RABL3: variants seen among roughly 807,000 people sequenced by gnomAD.
The protein encoded by RABL3 is rab-like protein 3.
RABL3 carries 31 observed loss-of-function variants against 31.8 expected under a neutral mutation model. That is an observed-to-expected ratio of 0.97 (90% CI 0.73 to 1.31). The LOEUF (loss-of-function observed/expected upper bound fraction) is 1.31. Ranked by LOEUF, RABL3 falls within the 40% of genes most tolerant of loss-of-function variation. RABL3 has a pLI of 0.00. For missense variants in RABL3, 263 were observed against 279.6 expected, an observed-to-expected ratio of 0.94 and a Z score of 0.42; for synonymous variants, 97 against 99.9, an observed-to-expected ratio of 0.97 and a Z score of 0.18.
intron 1 of RABL3, 26 bp downstream of exon 1, chr3:120,742,436 C>A: frequency 6.2e-7 from 1 of 1,611,368 alleles, no homozygotes; most frequent in Admixed American, 1.7e-5. Context: ...GTGTCTGGAG[C>A]CCCAGAGGTA....
chr3:120,716,964 A>G (rs1015543899), intron 2 of RABL3, among the ~76,000 whole-genome samples: 43 of 152,320 alleles, frequency 2.8e-4, no homozygotes, highest in African/African-American at 1.0e-3. Flanking sequence ...TCAAAAATGG[A>G]AGACATGGCC....
chr3:120,734,688 A>G (rs956913030), intron 1 of RABL3, among the ~76,000 whole-genome samples: 1 of 152,080 alleles, frequency 6.6e-6, no homozygotes. Flanking sequence ...GTTTGCCATA[A>G]ATAGCTCTTA....
rs199930414 is a variant in RABL3 at position 120,698,588 on chromosome 3, A to C, written c.384-15T>G. 1.3e-6 allele frequency: 2 copies of C among 1,596,940 alleles called. No individual in the cohort carries two copies. Among genetic ancestry groups the C allele is most frequent in the African/African-American group, 2.7e-5 (2 of 74,486 alleles). ...GATCATAATCCCTGTGATAAATAAT[A>C]ATGAAGAGGTGAATAGAATGTATCT... is the stretch of plus-strand genomic sequence containing the variant. On this transcript the variant is annotated splice_polypyrimidine_tract_variant and intron_variant, in intron 4 of 7. Transcript: ENST00000273375.
intron 2 of RABL3, among the ~76,000 whole-genome samples, chr3:120,718,154 T>TC (rs933876006): frequency 3.9e-5 from 6 of 152,158 alleles, no homozygotes; most frequent in African/African-American, 1.4e-4. Flanking sequence ...GTTACAAAAT[T>TC]CCATTATACC....
intron 1 of RABL3, among the ~76,000 whole-genome samples, chr3:120,735,270 T>G (rs1015378449): frequency 3.3e-5 from 5 of 152,228 alleles, no homozygotes; most frequent in Non-Finnish European, 7.3e-5. Flanking sequence ...GGTTTAGTCT[T>G]GGGAGGGTGT....
Position 120,706,063 on chromosome 3 carries a change from CG to C in RABL3, c.319del (p.Arg107ValfsTer19). ...LTNKKSSQNL[R>X]RWSLEALNRD... is the part of the protein sequence containing the mutation. ...GTTGAGAGCTTCCAATGACCAACGACGCAAGTTTTGGGAGGACTTCTTATTT... is the reference window on the plus strand; with the variant it reads ...GTTGAGAGCTTCCAATGACCAACGACCAAGTTTTGGGAGGACTTCTTATTT... On this transcript the variant is annotated frameshift_variant, in exon 4 of 8. Coordinates refer to ENST00000273375, the MANE Select transcript of RABL3 (RefSeq NM_173825.5). LOFTEE classifies it high-confidence loss of function. 1 of 1,613,948 alleles carries C rather than the reference CG, an allele frequency of 6.2e-7. No homozygotes were observed. The highest frequency in any genetic ancestry group is 8.5e-7 in the Non-Finnish European group (1 of 1,179,868).
At chr3:120,738,005 T>C (rs1708993097) in intron 1 of RABL3, among the ~76,000 whole-genome samples, 1 of 152,160 alleles carries the variant, frequency 6.6e-6, no homozygotes, top group Admixed American at 6.5e-5. Flanking sequence ...ATCTGTCTGT[T>C]CTCAAACTCT....
rs1376087152 is a variant in RABL3 at position 120,689,287 on chromosome 3, T to C, written c.*536A>G. ...AGAGGGAGACAAGGGTTGCTATTATTAGGCATTCCTGTGTGTGACAATGGT... is the reference window on the plus strand; with the variant it reads ...AGAGGGAGACAAGGGTTGCTATTATCAGGCATTCCTGTGTGTGACAATGGT... On this transcript the variant is annotated 3_prime_UTR_variant, in exon 8 of 8. Transcript: ENST00000273375. 6.6e-6 allele frequency: 1 copy of C among 152,258 alleles called. No homozygotes were observed. Among genetic ancestry groups the C allele is most frequent in the Non-Finnish European group, 1.5e-5 (1 of 68,054 alleles). 9.4% of individuals were successfully genotyped at this position (152,258 alleles called of 1,614,324 possible).
At chr3:120,696,872 C>T (rs1447871054) in intron 5 of RABL3, among the ~76,000 whole-genome samples, 2 of 152,042 alleles carry the variant, frequency 1.3e-5, no homozygotes, top group African/African-American at 2.4e-5. Context: ...TCCATTGTGG[C>T]AGCTGAGAAA....
chr3:120,726,520 T>C (rs1250153161), intron 2 of RABL3, among the ~76,000 whole-genome samples: 2 of 151,346 alleles, frequency 1.3e-5, no homozygotes, highest in Non-Finnish European at 2.9e-5. Flanking sequence ...CCGGCCAGAG[T>C]ATCTTAGGTC....
intron 4 of RABL3, among the ~76,000 whole-genome samples, chr3:120,700,623 A>G (rs1708482430): frequency 6.6e-6 from 1 of 152,124 alleles, no homozygotes; most frequent in Admixed American, 6.5e-5. Context: ...AAGAATTATT[A>G]TTAAAGTTTT....
chr3:120,741,997 A>C (rs2107601819), intron 1 of RABL3, among the ~76,000 whole-genome samples: 1 of 152,304 alleles, frequency 6.6e-6, no homozygotes, highest in Admixed American at 6.5e-5. Flanking sequence ...CTCAGAATTA[A>C]ATGAGTTAAT....
chr3:120,709,119 C>T (rs987845046), intron 3 of RABL3, among the ~76,000 whole-genome samples: 1 of 151,872 alleles, frequency 6.6e-6, no homozygotes, highest in Non-Finnish European at 1.5e-5. Flanking sequence ...ACAGTAAAAA[C>T]AGGTTTTAAA....
At chr3:120,730,844 G>T in intron 1 of RABL3, 57 bp from the exon 2 acceptor site, 1 of 1,130,718 alleles carries the variant, frequency 8.8e-7, no homozygotes. Context: ...ATCTGTTTTG[G>T]AAAGAGTAAG....
chr3:120,739,765 G>C (rs978931013), intron 1 of RABL3, among the ~76,000 whole-genome samples: 1 of 152,074 alleles, frequency 6.6e-6, no homozygotes, highest in South Asian at 2.1e-4. Context: ...TTTGTAAATA[G>C]GTTTGTTTAT....
intron 1 of RABL3, among the ~76,000 whole-genome samples, chr3:120,732,075 T>G (rs370084396): frequency 1.9e-3 from 290 of 152,220 alleles, no homozygotes; most frequent in Middle Eastern, 3.4e-3. Context: ...AAAATCACCT[T>G]AAGACTACTG....
chr3:120,722,788 A>G (rs548778407), intron 2 of RABL3: 22 of 152,320 alleles, frequency 1.4e-4, no homozygotes, highest in African/African-American at 5.3e-4. Context: ...TCTGGGACAC[A>G]TTCAAAGCAG....
intron 1 of RABL3, among the ~76,000 whole-genome samples, chr3:120,735,467 C>T (rs1392144131): frequency 8.6e-5 from 13 of 151,744 alleles, no homozygotes; most frequent in Admixed American, 8.5e-4. Context: ...AGTGGTCTAT[C>T]AATTTTGTTG....
intron 1 of RABL3, among the ~76,000 whole-genome samples, chr3:120,733,709 A>G (rs1395671203): frequency 6.6e-6 from 1 of 152,150 alleles, no homozygotes; most frequent in Non-Finnish European, 1.5e-5. Context: ...TAAGTCTTTA[A>G]TCCATCTTGA....
Sources: gnomAD v4.1 joint callset for allele counts (sites outside exome capture counted in the v4.1 genomes callset) on GRCh38, gnomAD v4.1.1 for gene constraint, MANE v1.5 for transcripts, NCBI Gene and HGNC (gene_info 2026-07-23, HGNC 2026-07-21) for gene names.